EYS: variants seen among roughly 807,000 people sequenced by gnomAD.
EYS encodes EGF-like photoreceptor maintenance factor.
In EYS, 250 loss-of-function variants were observed where a neutral mutation model predicts 282.1. The observed-to-expected ratio is 0.89, with a 90% confidence interval of 0.80 to 0.98. The LOEUF is 0.98. Ranked by LOEUF, EYS falls within the 50% of genes least tolerant of loss-of-function variation. The pLI is 0.00. For synonymous variants in EYS, 1,355 were observed against 1,282.9 expected (o/e 1.06, Z -1.20); for missense variants, 4,016 against 3,709.0 (o/e 1.08, Z -2.15).
chr6:64,620,800 A>G (rs1767422260), intron 23 of EYS, among the ~76,000 whole-genome samples: 1 of 152,216 alleles, frequency 6.6e-6, no homozygotes, highest in African/African-American at 2.4e-5. Flanking sequence ...TATTCAGAAA[A>G]TAGTTTGGTA....
chr6:64,221,284 G>A (rs965244003), intron 31 of EYS, among the ~76,000 whole-genome samples: 4 of 152,172 alleles, frequency 2.6e-5, no homozygotes, highest in East Asian at 1.9e-4. Flanking sequence ...GGTGTAATGA[G>A]AGGTGATTAG....
intron 1 of EYS, among the ~76,000 whole-genome samples, chr6:65,705,861 AATT>A (rs1439441731): frequency 6.6e-6 from 1 of 152,110 alleles, no homozygotes; most frequent in Non-Finnish European, 1.5e-5. Context: ...AAAAAATCTG[AATT>A]ATTAACAATT....
At chr6:64,804,253 G>A (rs1044804987) in intron 22 of EYS, among the ~76,000 whole-genome samples, 3 of 152,108 alleles carry the variant, frequency 2.0e-5, no homozygotes, top group African/African-American at 7.2e-5. Flanking sequence ...AGTATACTTG[G>A]TATAACTTGT....
chr6:64,643,812 T>A lies in EYS; in HGVS notation c.3444-17567A>T, dbSNP rs558003632. On this transcript the variant is annotated intron_variant, in intron 22 of 42. Coordinates refer to ENST00000503581, the MANE Select transcript of EYS (RefSeq NM_001142800.2). Reference sequence around the variant, plus strand: ...GCCATCCACGTAAGACGTGACTTGCTCCTCCTTGCCTTCCAGGATGATTGT... The same window carrying A: ...GCCATCCACGTAAGACGTGACTTGCACCTCCTTGCCTTCCAGGATGATTGT... Among the ~76,000 whole-genome samples, 9 of 152,338 alleles carry A rather than the reference T, an allele frequency of 5.9e-5. No homozygotes were observed. In the East Asian group the frequency reaches 1.4e-3, roughly 23 times the overall value.
At chr6:65,100,337 C>T (rs1774860045) in intron 12 of EYS, among the ~76,000 whole-genome samples, 1 of 150,146 alleles carries the variant, frequency 6.7e-6, no homozygotes, top group African/African-American at 2.4e-5. Context: ...AAAAAGAATA[C>T]CTGACAATTT....
chr6:65,181,020 C>T (rs973611241), intron 12 of EYS, among the ~76,000 whole-genome samples: 1 of 152,094 alleles, frequency 6.6e-6, no homozygotes, highest in African/African-American at 2.4e-5. Flanking sequence ...AAAGCTGAAA[C>T]TGGATCCCTT....
chr6:64,120,834 C>A (rs955039232), intron 31 of EYS, among the ~76,000 whole-genome samples: 6 of 152,240 alleles, frequency 3.9e-5, no homozygotes, highest in Admixed American at 3.9e-4. Context: ...CAAATTTATT[C>A]TTTCACAGTT....
intron 29 of EYS, among the ~76,000 whole-genome samples, chr6:64,381,960 T>C (rs548346708): frequency 6.6e-6 from 1 of 152,304 alleles, no homozygotes; most frequent in East Asian, 1.9e-4. Flanking sequence ...CTTTTATAAG[T>C]GTATTAATAA....
At chr6:64,129,386 A>AT (rs1052392026) in intron 31 of EYS, among the ~76,000 whole-genome samples, 2 of 151,870 alleles carry the variant, frequency 1.3e-5, no homozygotes, top group Non-Finnish European at 2.9e-5. Context: ...GATGATGAAC[A>AT]TTTTTTCATT....
intron 22 of EYS, among the ~76,000 whole-genome samples, chr6:64,647,512 A>T (rs1419703108): frequency 6.6e-6 from 1 of 152,204 alleles, no homozygotes; most frequent in Admixed American, 6.5e-5. Context: ...ACAAATAGCT[A>T]TGTACAGATT....
At position 64,822,836 on chromosome 6, in the gene EYS, G is replaced by A. The variant is rs1051937941; in HGVS notation, c.2993-14C>T. 6.5e-7 allele frequency: 1 copy of A among 1,538,272 alleles called. No individual in the cohort carries two copies. Among genetic ancestry groups the A allele is most frequent in the African/African-American group, 1.4e-5 (1 of 72,506 alleles). On this transcript the variant is annotated splice_polypyrimidine_tract_variant and intron_variant, in intron 19 of 42. Transcript: ENST00000503581. ...CACAGTTGATGCCTGTGTTGGAACA[G>A]ACAAGGCAAAACATGAAACCATTTA...
chr6:64,580,424 TAGGAC>T (rs1032566378), intron 26 of EYS, among the ~76,000 whole-genome samples: 1 of 152,088 alleles, frequency 6.6e-6, no homozygotes, highest in African/African-American at 2.4e-5. Flanking sequence ...AATTGGGCCT[TAGGAC>T]AGGAATTCTG....
At chr6:64,245,418 G>A (rs538488397) in intron 30 of EYS, among the ~76,000 whole-genome samples, 3 of 149,394 alleles carry the variant, frequency 2.0e-5, no homozygotes, top group African/African-American at 2.6e-5. Flanking sequence ...GGGCTCAAGC[G>A]ATCCTCTTAC....
chr6:64,581,228 T>C (rs1766054834), intron 26 of EYS, among the ~76,000 whole-genome samples: 1 of 152,044 alleles, frequency 6.6e-6, no homozygotes, highest in Admixed American at 6.6e-5. Flanking sequence ...GAGCAAATGT[T>C]GGAGGATTCT....
chr6:64,225,160 A>G (rs991653983), intron 31 of EYS, among the ~76,000 whole-genome samples: 1 of 152,110 alleles, frequency 6.6e-6, no homozygotes, highest in African/African-American at 2.4e-5. Context: ...ATCCTTTGAT[A>G]CATTTTCTAA....
intron 26 of EYS, among the ~76,000 whole-genome samples, chr6:64,502,382 C>T (rs778424644): frequency 3.3e-5 from 5 of 151,890 alleles, no homozygotes; most frequent in African/African-American, 1.2e-4. Flanking sequence ...CTAGGACTCC[C>T]GGCTAATTTT....
intron 31 of EYS, among the ~76,000 whole-genome samples, chr6:64,088,320 T>C (rs1405778704): frequency 6.6e-6 from 1 of 152,036 alleles, no homozygotes; most frequent in Non-Finnish European, 1.5e-5. Flanking sequence ...GTATTAAACA[T>C]CTTACATATA....
intron 12 of EYS, among the ~76,000 whole-genome samples, chr6:65,157,227 C>T (rs969800): frequency 0.26 from 38,713 of 150,444 alleles, 5,298 homozygotes; most frequent in African/African-American, 0.35. Flanking sequence ...TCTGTGATTA[C>T]GTAATCTACA....
intron 12 of EYS, among the ~76,000 whole-genome samples, chr6:65,143,872 G>C (rs748782710): frequency 2.6e-5 from 4 of 152,042 alleles, no homozygotes. Context: ...GTCATTAAAG[G>C]ATCAGCAAAG....
Sources: gnomAD v4.1 joint callset for allele counts (sites outside exome capture counted in the v4.1 genomes callset) on GRCh38, gnomAD v4.1.1 for gene constraint, MANE v1.5 for transcripts, NCBI Gene and HGNC (gene_info 2026-07-23, HGNC 2026-07-21) for gene names.